NEK1: variants seen among roughly 807,000 people sequenced by gnomAD.
The protein encoded by NEK1 is serine/threonine-protein kinase Nek1.
A neutral mutation model predicts 182.1 loss-of-function variants in NEK1; 137 were observed. That is an observed-to-expected ratio of 0.75 (90% CI 0.65 to 0.87). The LOEUF (loss-of-function observed/expected upper bound fraction) is 0.87. NEK1 is among the 40% of genes least tolerant of loss of function. The pLI is 0.00. For synonymous variants in NEK1, 513 were observed against 492.2 expected, an observed-to-expected ratio of 1.04 and a Z score of -0.56; for missense variants, 1,391 against 1,494.4, an observed-to-expected ratio of 0.93 and a Z score of 1.14.
At chr4:169,536,325 A>G (rs1758495727) in intron 19 of NEK1, among the ~76,000 whole-genome samples, 1 of 151,384 alleles carries the variant, frequency 6.6e-6, no homozygotes, top group Admixed American at 6.6e-5. Context: ...TACACAAACC[A>G]CATCATAATC....
Position 169,477,184 on chromosome 4 carries a change from C to T in NEK1, c.2374G>A (p.Gly792Ser), listed in dbSNP as rs922823187. ...SSDRKKWEAG[G>S]QLVIPLDELT... Reference sequence around the variant, plus strand: ...TCATCCAGAGGAATCACAAGTTGACCTCCTGCCTCCCACTTCTTGCGATCA... The same window carrying T: ...TCATCCAGAGGAATCACAAGTTGACTTCCTGCCTCCCACTTCTTGCGATCA... The change falls in exon 26 of 36, where the codon GGT (glycine) becomes AGT (serine). Residue 792 changes from glycine (G) to serine (S), a missense_variant. Gly to Ser is a moderately conservative substitution (Grantham distance 56). Transcript: ENST00000507142. 3 of 1,608,618 alleles carry T rather than the reference C, an allele frequency of 1.9e-6. No homozygotes were observed. The highest frequency in any genetic ancestry group is 2.7e-5 in the African/African-American group (2 of 74,776).
chr4:169,456,591 C>A (rs1742929636), intron 27 of NEK1, among the ~76,000 whole-genome samples: 1 of 152,120 alleles, frequency 6.6e-6, no homozygotes, highest in Non-Finnish European at 1.5e-5. Context: ...AGCTGTATTT[C>A]AATAGATTGG....
intron 23 of NEK1, among the ~76,000 whole-genome samples, chr4:169,488,794 C>A (rs540000892): frequency 6.6e-6 from 1 of 152,152 alleles, no homozygotes; most frequent in South Asian, 2.1e-4. Context: ...ACACTACCCC[C>A]CAATATAACA....
chr4:169,573,294 A>C (rs1315854098), intron 12 of NEK1, among the ~76,000 whole-genome samples: 1 of 152,234 alleles, frequency 6.6e-6, no homozygotes, highest in Non-Finnish European at 1.5e-5. Flanking sequence ...GTAGGAAGAA[A>C]ATATTGGTCC....
At chr4:169,603,172 C>A (rs1187968825) in intron 2 of NEK1, among the ~76,000 whole-genome samples, 2 of 152,138 alleles carry the variant, frequency 1.3e-5, no homozygotes, top group Non-Finnish European at 2.9e-5. Flanking sequence ...AAAGAATATG[C>A]CCATGTTACA....
chr4:169,474,714 T>C (rs932049087), intron 26 of NEK1, among the ~76,000 whole-genome samples: 1 of 152,210 alleles, frequency 6.6e-6, no homozygotes, highest in African/African-American at 2.4e-5. Context: ...CTCATTTTCT[T>C]TGCAAAGGTC....
In NEK1 at chr4:169,508,272, A is replaced by G; in HGVS notation, c.1809T>C (p.Ile603=). ...CCTTTTCACCACGAAGTTTGGCTTT[A>G]ATCTGTTGGCGCTCATTGAAATTCT... is the stretch of plus-strand genomic sequence containing the variant. The part of the protein sequence containing the change: ...RLQNFNERQQ[I]KAKLRGEKKE... Residue 603 remains isoleucine, a synonymous_variant, in exon 21 of 36, where the codon ATT becomes ATC. Transcript: ENST00000507142. The G allele has an allele frequency of 6.3e-7, 1 of 1,592,928 alleles. No individual in the cohort carries two copies. Among genetic ancestry groups the G allele is most frequent in the Admixed American group, 1.8e-5 (1 of 56,296 alleles).
At chr4:169,419,986 T>C (rs1735203263) in intron 31 of NEK1, among the ~76,000 whole-genome samples, 1 of 152,138 alleles carries the variant, frequency 6.6e-6, no homozygotes, top group Non-Finnish European at 1.5e-5. Context: ...GTGAGTGAAA[T>C]GTGAAGGCCT....
chr4:169,448,992 T>C (rs188812562), intron 27 of NEK1, among the ~76,000 whole-genome samples: 1 of 152,216 alleles, frequency 6.6e-6, no homozygotes, highest in African/African-American at 2.4e-5. Context: ...ACCGGCAGAC[T>C]AGGTGATTCT....
chr4:169,481,102 C>T (rs960334742), intron 23 of NEK1, among the ~76,000 whole-genome samples: 3 of 152,202 alleles, frequency 2.0e-5, no homozygotes, highest in Non-Finnish European at 4.4e-5. Context: ...GAAGCAATTC[C>T]TCATCCATTC....
chr4:169,591,145 C>T (rs1207899317), intron 5 of NEK1, among the ~76,000 whole-genome samples: 1 of 135,182 alleles, frequency 7.4e-6, no homozygotes, highest in African/African-American at 3.0e-5. Context: ...TTCTATAACG[C>T]CCCCCCCCCA....
At chr4:169,429,510 G>A (rs1055362263) in intron 29 of NEK1, among the ~76,000 whole-genome samples, 4 of 152,066 alleles carry the variant, frequency 2.6e-5, no homozygotes, top group African/African-American at 9.7e-5. Context: ...ACATACATTT[G>A]ATATGTCATT....
intron 19 of NEK1, among the ~76,000 whole-genome samples, chr4:169,530,801 G>A (rs1431592717): frequency 1.3e-5 from 2 of 151,290 alleles, no homozygotes; most frequent in African/African-American, 2.4e-5. Flanking sequence ...GGTGCTGGCT[G>A]CATGAATTTA....
intron 23 of NEK1, among the ~76,000 whole-genome samples, chr4:169,498,732 C>A (rs1025841337): frequency 6.6e-6 from 1 of 152,136 alleles, no homozygotes; most frequent in African/African-American, 2.4e-5. Context: ...GAATAATGGC[C>A]CCCACTCTCT....
At chr4:169,398,585 T>C (rs1731112565) in intron 35 of NEK1, among the ~76,000 whole-genome samples, 1 of 152,226 alleles carries the variant, frequency 6.6e-6, no homozygotes, top group Non-Finnish European at 1.5e-5. Flanking sequence ...TTCCTGTTTT[T>C]AGAAAATGTG....
chr4:169,536,782 C>G (rs1269059592), intron 19 of NEK1, among the ~76,000 whole-genome samples: 1 of 152,006 alleles, frequency 6.6e-6, no homozygotes, highest in African/African-American at 2.4e-5. Flanking sequence ...AAATCTATAA[C>G]CAAAATTCCA....
intron 31 of NEK1, among the ~76,000 whole-genome samples, chr4:169,420,568 A>G (rs768340067): frequency 1.3e-5 from 2 of 152,216 alleles, no homozygotes; most frequent in Non-Finnish European, 2.9e-5. Context: ...TTTTCGGTCT[A>G]TTATAATCTT....
chr4:169,433,423 C>A (rs1000575893), intron 29 of NEK1, 122 bp downstream of exon 29: 34 of 910,486 alleles, frequency 3.7e-5, no homozygotes, highest in Non-Finnish European at 5.1e-5. Context: ...AAATTAAGTT[C>A]CTTTTATAAG....
At chr4:169,469,296 C>A (rs1745497417) in intron 26 of NEK1, among the ~76,000 whole-genome samples, 2 of 152,178 alleles carry the variant, frequency 1.3e-5, no homozygotes, top group Non-Finnish European at 2.9e-5. Context: ...TTAGCTGTGT[C>A]CCAGAGATTC....
Sources: allele counts gnomAD v4.1 joint callset (sites outside exome capture counted in the v4.1 genomes callset), GRCh38; gene constraint gnomAD v4.1.1; transcripts MANE v1.5; gene names NCBI Gene and HGNC (gene_info 2026-07-23, HGNC 2026-07-21).